Variants in UNC45A observed in about 807,000 individuals in gnomAD.
The protein encoded by UNC45A is protein unc-45 homolog A.
UNC45A carries 78 observed loss-of-function variants against 103.2 expected under a neutral mutation model. The ratio of observed to expected loss-of-function variants is 0.76; its 90% CI spans 0.63 to 0.91. The LOEUF (loss-of-function observed/expected upper bound fraction) is 0.91, where lower values mean the gene tolerates loss of function less well. Ranked by LOEUF, UNC45A falls within the 40% of genes least tolerant of loss-of-function variation. UNC45A has a pLI of 0.00. For missense variants in UNC45A, 1,193 were observed against 1,224.8 expected (o/e 0.97, Z 0.39); for synonymous variants, 495 against 504.6 (o/e 0.98, Z 0.25).
chr15:90,954,022 C>T lies in UNC45A; in HGVS notation c.*306C>T. 1 of 421,586 alleles carries T rather than the reference C, an allele frequency of 2.4e-6. No individual in the cohort carries two copies. Among genetic ancestry groups the T allele is most frequent in the Admixed American group, 3.6e-5 (1 of 27,586 alleles). 26.1% of individuals were successfully genotyped at this position (421,586 alleles called of 1,614,324 possible). ...ATCCTGGGGCATCTGGAAGGGCGCACACATCAGCAGCCTCACCAGCTGTGA... is the reference window on the plus strand; with the variant it reads ...ATCCTGGGGCATCTGGAAGGGCGCATACATCAGCAGCCTCACCAGCTGTGA... On this transcript the variant is annotated 3_prime_UTR_variant, in exon 20 of 20. Coordinates refer to ENST00000418476, the MANE Select transcript of UNC45A (RefSeq NM_018671.5).
intron 4 of UNC45A, among the ~76,000 whole-genome samples, chr15:90,937,616 AG>A (rs2036086692): frequency 6.6e-6 from 1 of 151,130 alleles, no homozygotes; most frequent in African/African-American, 2.4e-5. Context: ...TCCCCCAGGT[AG>A]CTGGGACTAC....
chr15:90,931,855 C>A (rs2035806372), upstream of UNC45A: 1 of 1,614,174 alleles, frequency 6.2e-7, no homozygotes, highest in Non-Finnish European at 8.5e-7. Context: ...TTACCTCCTC[C>A]ACCAGGCGCC....
chr15:90,938,916 C>T (rs994207752), intron 4 of UNC45A, among the ~76,000 whole-genome samples: 5 of 151,988 alleles, frequency 3.3e-5, no homozygotes, highest in Admixed American at 2.0e-4. Flanking sequence ...AGGTGATCTG[C>T]CCACCTCGGC....
chr15:90,944,552 C>T (rs1015333134), intron 8 of UNC45A, among the ~76,000 whole-genome samples: 2 of 152,064 alleles, frequency 1.3e-5, no homozygotes, highest in African/African-American at 4.8e-5. Context: ...TCACAGTGGT[C>T]CTACGAGGTG....
At position 90,946,927 on chromosome 15, in the gene UNC45A, G is replaced by A. The variant is rs773566341; in HGVS notation, c.1500+13G>A. On this transcript the variant is annotated intron_variant, in intron 10 of 19. Coordinates refer to ENST00000418476, the MANE Select transcript of UNC45A (RefSeq NM_018671.5). ...CCGGGCGCTAGTGGTGAGACGGTGG[G>A]CCTGGGGTGGGTGGGCAGGCAGCCA... 7.7e-6 allele frequency: 12 copies of A among 1,553,076 alleles called. No individual in the cohort carries two copies. The highest frequency in any genetic ancestry group is 6.9e-5 in the South Asian group (6 of 86,698).
At chr15:90,937,763 T>C (rs2036093710) in intron 4 of UNC45A, among the ~76,000 whole-genome samples, 1 of 152,096 alleles carries the variant, frequency 6.6e-6, no homozygotes, top group Admixed American at 6.6e-5. Flanking sequence ...TGGGATTACA[T>C]GTGTGAGCCA....
rs914913764 is a variant in UNC45A, at chr15:90,939,220, A to T, written c.427-511A>T. ...AGTCTTGAACTCCTGACCTCAGGTG[A>T]TCCACCTGCCTTGGCCTCCTAAAGT... On this transcript the variant is annotated intron_variant, in intron 4 of 19. Coordinates refer to ENST00000418476, the MANE Select transcript of UNC45A (RefSeq NM_018671.5). Among the ~76,000 whole-genome samples, 8 of 152,284 alleles carry T rather than the reference A, an allele frequency of 5.3e-5. 1 individual carries two copies. In the South Asian group the frequency reaches 1.7e-3, roughly 32 times the overall value.
chr15:90,931,856 A>AC, upstream of UNC45A: 1 of 1,613,936 alleles, frequency 6.2e-7, no homozygotes, highest in Non-Finnish European at 8.5e-7. Context: ...TACCTCCTCC[A>AC]CCAGGCGCCG....
chr15:90,935,257 C>A, upstream of UNC45A: 1 of 1,467,010 alleles, frequency 6.8e-7, no homozygotes, highest in Non-Finnish European at 9.3e-7. Flanking sequence ...CTGCCGGTGG[C>A]GTCCCGAACC....
In UNC45A at chr15:90,952,949, A is replaced by G; in HGVS notation, c.2324A>G (p.Lys775Arg). 1 of 1,613,192 alleles carries G rather than the reference A, an allele frequency of 6.2e-7. No homozygotes were observed. Among genetic ancestry groups the G allele is most frequent in the Non-Finnish European group, 8.5e-7 (1 of 1,180,024 alleles). Reference sequence around the variant, plus strand: ...TGCAGGCAGAAGATCCTGAAGGAGAAGGCTGTGCCCATGATAGAAGGCTAC... The same window carrying G: ...TGCAGGCAGAAGATCCTGAAGGAGAGGGCTGTGCCCATGATAGAAGGCTAC... ...ERLRQKILKE[K>R]AVPMIEGYMF... Residue 775 changes from lysine (K) to arginine (R), a missense_variant, in exon 18 of 20, where the codon AAG becomes AGG. Coordinates refer to ENST00000418476, the MANE Select transcript of UNC45A (RefSeq NM_018671.5).
intron 10 of UNC45A, chr15:90,947,330 T>C (rs1187784161): frequency 8.0e-6 from 2 of 250,790 alleles, no homozygotes; most frequent in Non-Finnish European, 1.6e-5. Context: ...GTTTGGGGAC[T>C]ACCTGGCCCT....
intron 6 of UNC45A, 83 bp downstream of exon 6, chr15:90,940,556 T>C: frequency 6.6e-7 from 1 of 1,504,604 alleles, no homozygotes; most frequent in African/African-American, 1.4e-5. Flanking sequence ...CATCTGTCCA[T>C]CCGCCCATCT....
intron 17 of UNC45A, chr15:90,952,139 A>C (rs2151376667): frequency 1.3e-5 from 2 of 152,442 alleles, no homozygotes; most frequent in African/African-American, 4.8e-5. Flanking sequence ...TGATTGCATG[A>C]GGGTGTGGGT....
In UNC45A at chr15:90,935,307, C is replaced by G; in HGVS notation, c.-18C>G. 3 of 1,598,912 alleles carry G rather than the reference C, an allele frequency of 1.9e-6. No individual in the cohort carries two copies. The highest frequency in any genetic ancestry group is 2.3e-5 in the East Asian group (1 of 44,094). On this transcript the variant is annotated 5_prime_UTR_variant, in exon 1 of 20. Transcript: ENST00000418476. Reference sequence around the variant, plus strand: ...CCCAGAGACTGCGCCTGCGCGGGCACGAGACAACCTCTCCGCGATGACTGT... The same window carrying G: ...CCCAGAGACTGCGCCTGCGCGGGCAGGAGACAACCTCTCCGCGATGACTGT...
chr15:90,953,286 G>A lies in UNC45A; in HGVS notation c.2553G>A (p.Thr851=), dbSNP rs767535346. 1.9e-6 allele frequency: 3 copies of A among 1,611,440 alleles called. No homozygotes were observed. Among genetic ancestry groups the A allele is most frequent in the Non-Finnish European group, 2.5e-6 (3 of 1,179,224 alleles). Residue 851 remains threonine (T), a synonymous_variant, in exon 19 of 20, where the codon ACG becomes ACA. Coordinates refer to ENST00000418476, the MANE Select transcript of UNC45A (RefSeq NM_018671.5). ...GLAMLTSMRP[T]LCSRIPQVTT... ...CCATGCTTACCTCCATGCGGCCCAC[G>A]CTCTGCAGCCGCATTCCCCAAGTGG...
At chr15:90,936,573 G>A (rs1567148338) in intron 4 of UNC45A, 113 bp downstream of exon 4, 3 of 1,297,302 alleles carry the variant, frequency 2.3e-6, no homozygotes, top group East Asian at 5.1e-5. Context: ...AACCTTGCCT[G>A]TGGCCAGGGA....
rs747480470 is a variant in UNC45A, at chr15:90,949,675, A to G, written c.2028A>G (p.Glu676=). 1.9e-6 allele frequency: 3 copies of G among 1,614,172 alleles called. No homozygotes were observed. The highest frequency in any genetic ancestry group is 1.7e-6 in the Non-Finnish European group (2 of 1,180,022). ...LLSRVFLALV[E]EVEDRGTVVA... ...ACAGGGTCTTCTTGGCTTTAGTGGA[A>G]GAGGTAGAGGACCGAGGCACTGTGG... The change falls in exon 15 of 20, where the codon GAA becomes GAG. Residue 676 remains glutamate (E), a synonymous_variant. Coordinates refer to ENST00000418476, the MANE Select transcript of UNC45A (RefSeq NM_018671.5).
At chr15:90,936,728 G>A (rs1596209989) in intron 4 of UNC45A, among the ~76,000 whole-genome samples, 1 of 152,210 alleles carries the variant, frequency 6.6e-6, no homozygotes, top group Non-Finnish European at 1.5e-5. Flanking sequence ...ATGACTGCTG[G>A]AGGGGTATAA....
intron 8 of UNC45A, among the ~76,000 whole-genome samples, chr15:90,943,598 C>T (rs972784099): frequency 1.3e-5 from 2 of 151,986 alleles, no homozygotes; most frequent in African/African-American, 2.4e-5. Context: ...TTAGGGGGCT[C>T]AAAGTTAGAC....
Sources: gnomAD v4.1 joint callset for allele counts (sites outside exome capture counted in the v4.1 genomes callset) on GRCh38, gnomAD v4.1.1 for gene constraint, MANE v1.5 for transcripts, NCBI Gene and HGNC (gene_info 2026-07-23, HGNC 2026-07-21) for gene names.